ITPR1: variants seen among roughly 807,000 people sequenced by gnomAD.
ITPR1 encodes the protein inositol 1,4,5-trisphosphate-gated calcium channel ITPR1.
In ITPR1, 96 loss-of-function variants were observed where a neutral mutation model predicts 318.4. That is an observed-to-expected ratio of 0.30 (90% CI 0.26 to 0.36). The LOEUF (loss-of-function observed/expected upper bound fraction) is 0.36, where lower values mean the gene tolerates loss of function less well. Among genes scored for constraint, ITPR1 ranks in the 10% least tolerant of loss-of-function variants. The pLI, the probability that ITPR1 is intolerant of heterozygous loss-of-function variation, is 1.00. For missense variants in ITPR1, 2,440 were observed against 3,460.2 expected, an observed-to-expected ratio of 0.71 and a Z score of 7.40; for synonymous variants, 1,312 against 1,289.9, an observed-to-expected ratio of 1.02 and a Z score of -0.37.
chr3:4,730,022 G>C (rs924654429), intron 42 of ITPR1, among the ~76,000 whole-genome samples: 1 of 151,266 alleles, frequency 6.6e-6, no homozygotes, highest in African/African-American at 2.4e-5. Flanking sequence ...AGGATGATTA[G>C]GAAAGCTTTT....
Position 4,676,737 on chromosome 3 carries a change from C to A in ITPR1, c.2903C>A (p.Ala968Glu), listed in dbSNP as rs765894525. The A allele has an allele frequency of 1.9e-6, 3 of 1,613,752 alleles. No individual in the cohort carries two copies. In the East Asian group the frequency reaches 6.7e-5, roughly 36 times the overall value. ...AAAPEGNVKQ[A>E]EPEKEDIMVM... ...GCCCCTGAAGGCAATGTGAAGCAGG[C>A]AGAGCCTGAGAAGGAGGACATCATG... The change falls in exon 24 of 62, where the codon GCA becomes GAA. Residue 968 changes from alanine (A) to glutamate (E), a missense_variant. Physicochemically the swap from Ala to Glu is moderately radical, Grantham distance 107. Coordinates refer to ENST00000649015, the MANE Select transcript of ITPR1 (RefSeq NM_001378452.1).
At chr3:4,572,035 T>C (rs2088061790) in intron 4 of ITPR1, among the ~76,000 whole-genome samples, 1 of 152,248 alleles carries the variant, frequency 6.6e-6, no homozygotes, top group African/African-American at 2.4e-5. Flanking sequence ...CATGGATTAG[T>C]TATTCCTGAG....
At position 4,717,522 on chromosome 3, in the gene ITPR1, T is replaced by A. The variant is rs78169716; in HGVS notation, c.5136+123T>A. 5,481 of 841,582 alleles carry A rather than the reference T, an allele frequency of 6.5e-3. 215 individuals carry two copies. In the African/African-American group the frequency reaches 0.079, roughly 12 times the overall value. The allele number at this position is 841,582 out of a possible 1,614,324, so 52.1% of individuals were successfully genotyped here. On this transcript the variant is annotated intron_variant, in intron 40 of 61. Coordinates refer to ENST00000649015, the MANE Select transcript of ITPR1 (RefSeq NM_001378452.1). The stretch of plus-strand genomic sequence containing the variant: ...GTCGAGTATCTGGCTTTGTGTGGTG[T>A]GCCCTCTGGGAGTGAGTGGAGTCTG...
chr3:4,720,573 G>A (rs1404659572), intron 40 of ITPR1, among the ~76,000 whole-genome samples: 1 of 152,164 alleles, frequency 6.6e-6, no homozygotes, highest in African/African-American at 2.4e-5. Context: ...CTGTTTCTAC[G>A]TATTTGAGAT....
chr3:4,571,573 A>G (rs753320901), intron 4 of ITPR1, among the ~76,000 whole-genome samples: 7 of 152,072 alleles, frequency 4.6e-5, no homozygotes, highest in Admixed American at 6.5e-5. Context: ...GGCTCAAGCA[A>G]TCCTCCTGCC....
chr3:4,619,143 C>T lies in ITPR1; in HGVS notation c.164-8620C>T, dbSNP rs138512974. Among the ~76,000 whole-genome samples, 228 of 152,196 alleles carry T rather than the reference C, an allele frequency of 1.5e-3. 4 individuals are homozygous for T. The highest frequency in any genetic ancestry group is 0.014 in the East Asian group (75 of 5,180). On this transcript the variant is annotated intron_variant, in intron 4 of 61. Coordinates refer to ENST00000649015, the MANE Select transcript of ITPR1 (RefSeq NM_001378452.1). ...TGAGATGTCTGATGTTATTCTTATT[C>T]CTCTTCTTTTCTTTGAGCCTTCTTT...
intron 24 of ITPR1, among the ~76,000 whole-genome samples, chr3:4,677,493 C>T (rs576968331): frequency 3.8e-4 from 58 of 152,246 alleles, no homozygotes; most frequent in Middle Eastern, 3.4e-3. Context: ...GAGATAGCCA[C>T]ACAGATATCT....
At chr3:4,584,244 C>T (rs551987621) in intron 4 of ITPR1, among the ~76,000 whole-genome samples, 3 of 152,248 alleles carry the variant, frequency 2.0e-5, no homozygotes, top group Admixed American at 6.5e-5. Flanking sequence ...ACCCACCTCA[C>T]CCCCTTCTTG....
At chr3:4,643,992 T>C (rs748781771) in intron 7 of ITPR1, 144 bp from the exon 8 acceptor site, 52 of 606,492 alleles carry the variant, frequency 8.6e-5, no homozygotes, top group Non-Finnish European at 1.4e-4. Context: ...AAAGAAGGCG[T>C]GGTGTGTGCT....
chr3:4,582,868 G>C (rs1189019198), intron 4 of ITPR1, among the ~76,000 whole-genome samples: 1 of 152,212 alleles, frequency 6.6e-6, no homozygotes, highest in Non-Finnish European at 1.5e-5. Flanking sequence ...CAGGGAAGCT[G>C]CTGCCTCTGC....
At chr3:4,534,267 A>G (rs961656240) in intron 4 of ITPR1, among the ~76,000 whole-genome samples, 3 of 152,028 alleles carry the variant, frequency 2.0e-5, no homozygotes, top group African/African-American at 7.3e-5. Flanking sequence ...CCACCCCCAC[A>G]CCTTTTGGAA....
At chr3:4,499,329 G>C (rs1467712713) in intron 2 of ITPR1, among the ~76,000 whole-genome samples, 1 of 152,078 alleles carries the variant, frequency 6.6e-6, no homozygotes, top group African/African-American at 2.4e-5. Flanking sequence ...TTCATAAAAA[G>C]GGACTAACAC....
intron 4 of ITPR1, among the ~76,000 whole-genome samples, chr3:4,546,991 T>G (rs1166523510): frequency 6.6e-6 from 1 of 152,196 alleles, no homozygotes; most frequent in African/African-American, 2.4e-5. Flanking sequence ...ACTAGCAGTG[T>G]GACCTCCAAT....
chr3:4,602,531 A>G (rs1276228540), intron 4 of ITPR1, among the ~76,000 whole-genome samples: 1 of 2,010 alleles, frequency 5.0e-4, no homozygotes, highest in African/African-American at 2.5e-3. Context: ...CCTCTCAGAA[A>G]AAAAAAAAAA....
chr3:4,758,384 T>A (rs1202296532), intron 44 of ITPR1, among the ~76,000 whole-genome samples: 1 of 152,150 alleles, frequency 6.6e-6, no homozygotes, highest in Non-Finnish European at 1.5e-5. Context: ...CTGGGACACA[T>A]ACATCTATGC....
At chr3:4,735,120 C>G (rs2043182138) in intron 43 of ITPR1, 44 bp from the exon 44 acceptor site, 2 of 1,480,088 alleles carry the variant, frequency 1.4e-6, no homozygotes, top group East Asian at 4.5e-5. Flanking sequence ...CAAACATTAG[C>G]TGTTCTGATT....
intron 5 of ITPR1, among the ~76,000 whole-genome samples, chr3:4,628,870 G>A (rs1291266834): frequency 6.6e-6 from 1 of 152,238 alleles, no homozygotes; most frequent in Non-Finnish European, 1.5e-5. Flanking sequence ...TGAGCCCCAA[G>A]CACCTCAAGA....
chr3:4,553,891 A>G (rs927027567), intron 4 of ITPR1, among the ~76,000 whole-genome samples: 2 of 147,668 alleles, frequency 1.4e-5, no homozygotes, highest in African/African-American at 5.0e-5. Flanking sequence ...GTGAGCCACC[A>G]CGCCCAGCCT....
At chr3:4,595,036 A>C (rs1455246783) in intron 4 of ITPR1, among the ~76,000 whole-genome samples, 2 of 152,152 alleles carry the variant, frequency 1.3e-5, no homozygotes, top group Non-Finnish European at 1.5e-5. Flanking sequence ...GCCAATTACT[A>C]AGCCTCACTT....
Sources: gnomAD v4.1 joint callset for allele counts (sites outside exome capture counted in the v4.1 genomes callset) on GRCh38, gnomAD v4.1.1 for gene constraint, MANE v1.5 for transcripts, NCBI Gene and HGNC (gene_info 2026-07-23, HGNC 2026-07-21) for gene names.